Variants in TNNI3K observed in about 807,000 individuals in gnomAD.
TNNI3K encodes TNNI3 interacting kinase.
A neutral mutation model predicts 114.5 loss-of-function variants in TNNI3K; 140 were observed. The ratio of observed to expected loss-of-function variants is 1.22; its 90% CI spans 1.07 to 1.41. TNNI3K has a LOEUF of 1.41. Among genes scored for constraint, TNNI3K ranks in the 40% most tolerant of loss-of-function variants. The probability of loss-of-function intolerance (pLI) is 0.00; values close to 1 mark genes in which losing one functional copy is unlikely to be tolerated. For missense variants in TNNI3K, 1,125 were observed against 1,007.6 expected, an observed-to-expected ratio of 1.12 and a Z score of -1.58; for synonymous variants, 347 against 347.5, an observed-to-expected ratio of 1.00 and a Z score of 0.02.
chr1:74,318,307 G>T (rs904919395), intron 5 of TNNI3K, among the ~76,000 whole-genome samples: 11 of 152,132 alleles, frequency 7.2e-5, no homozygotes, highest in Non-Finnish European at 1.5e-4. Context: ...TTGTGGTATT[G>T]AGAGATTCTG....
intron 20 of TNNI3K, among the ~76,000 whole-genome samples, chr1:74,458,130 G>T (rs933874659): frequency 6.6e-6 from 1 of 152,118 alleles, no homozygotes; most frequent in Non-Finnish European, 1.5e-5. Flanking sequence ...CAATGTGCCT[G>T]GAGCTCCATG....
At chr1:74,532,884 C>A (rs183214976) in intron 23 of TNNI3K, among the ~76,000 whole-genome samples, 276 of 152,238 alleles carry the variant, frequency 1.8e-3, no homozygotes, top group African/African-American at 6.3e-3. Context: ...GAAACTGGAT[C>A]CCTTCCTCAC....
chr1:74,364,202 G>T (rs1226370671), intron 11 of TNNI3K, among the ~76,000 whole-genome samples: 1 of 151,562 alleles, frequency 6.6e-6, no homozygotes, highest in African/African-American at 2.4e-5. Context: ...TAGGGGTCAT[G>T]CTATGTTGCC....
intron 5 of TNNI3K, among the ~76,000 whole-genome samples, chr1:74,320,604 T>G (rs1659554697): frequency 6.6e-6 from 1 of 152,214 alleles, no homozygotes; most frequent in African/African-American, 2.4e-5. Context: ...GATTAACCCT[T>G]GAGCCCAAGA....
rs1661516171 is a variant in TNNI3K at position 74,353,833 on chromosome 1, A to C, written c.1028-147A>C. ...TAAAGTGATGTCTCGTTTGGTCAAT[A>C]ATAAAATTAGTTCTTTATCAAAGAA... On this transcript the variant is annotated intron_variant, in intron 10 of 24. Transcript: ENST00000326637. The C allele has an allele frequency of 3.3e-6, 4 of 1,199,298 alleles. No homozygotes were observed. In the Admixed American group the frequency reaches 1.2e-4, roughly 36 times the overall value. 74.3% of individuals were successfully genotyped at this position (1,199,298 alleles called of 1,614,324 possible). A position where few individuals can be genotyped will look rare whatever the true frequency, so the allele number is the denominator to read the frequency against.
intron 7 of TNNI3K, among the ~76,000 whole-genome samples, chr1:74,337,017 TC>T (rs1660506852): frequency 6.6e-6 from 1 of 151,010 alleles, no homozygotes; most frequent in African/African-American, 2.4e-5. Context: ...ACCTGTTGTT[TC>T]CTGACTTTGT....
At chr1:74,417,938 A>G (rs1024754035) in intron 17 of TNNI3K, among the ~76,000 whole-genome samples, 1 of 152,272 alleles carries the variant, frequency 6.6e-6, no homozygotes, top group Admixed American at 6.5e-5. Context: ...ATGAAGCTCA[A>G]CATGTGTATT....
chr1:74,450,284 A>G (rs923459051), intron 20 of TNNI3K, among the ~76,000 whole-genome samples: 2 of 151,870 alleles, frequency 1.3e-5, no homozygotes, highest in Non-Finnish European at 2.9e-5. Flanking sequence ...ATAGCACTAA[A>G]TGCCCACAAG....
chr1:74,482,999 G>GTGTAGC (rs1668580520), intron 21 of TNNI3K, among the ~76,000 whole-genome samples: 1 of 152,200 alleles, frequency 6.6e-6, no homozygotes, highest in Non-Finnish European at 1.5e-5. Context: ...TTTGTTAAGT[G>GTGTAGC]TGTAGCTGGA....
chr1:74,335,296 A>T (rs1660407194), intron 6 of TNNI3K, among the ~76,000 whole-genome samples: 1 of 152,290 alleles, frequency 6.6e-6, no homozygotes, highest in East Asian at 1.9e-4. Context: ...CGAATCTAGG[A>T]CTATCTTAAA....
At chr1:74,418,122 T>A (rs1288065465) in intron 17 of TNNI3K, 6 of 448,054 alleles carry the variant, frequency 1.3e-5, no homozygotes, top group African/African-American at 8.1e-5. Flanking sequence ...CTGTGGGAAG[T>A]CTTCCTAAAA....
At chr1:74,287,590 C>T (rs1400712056) in intron 5 of TNNI3K, among the ~76,000 whole-genome samples, 2 of 152,074 alleles carry the variant, frequency 1.3e-5, no homozygotes, top group Non-Finnish European at 2.9e-5. Context: ...TCAAAATTGA[C>T]TAAAGACTTA....
intron 23 of TNNI3K, among the ~76,000 whole-genome samples, chr1:74,531,910 C>T (rs1000269877): frequency 2.0e-5 from 3 of 152,164 alleles, no homozygotes; most frequent in African/African-American, 7.2e-5. Flanking sequence ...CTTGTGAGGC[C>T]TTAAATGGTG....
intron 4 of TNNI3K, among the ~76,000 whole-genome samples, chr1:74,264,446 A>C (rs992366823): frequency 6.6e-6 from 1 of 152,018 alleles, no homozygotes; most frequent in Non-Finnish European, 1.5e-5. Context: ...CTAAAGGAAA[A>C]CTTAATAATA....
chr1:74,481,158 A>G (rs971199141), intron 21 of TNNI3K, among the ~76,000 whole-genome samples: 3 of 152,166 alleles, frequency 2.0e-5, no homozygotes, highest in Non-Finnish European at 4.4e-5. Flanking sequence ...TATCAAAATG[A>G]TGGATTTTTA....
At chr1:74,412,837 C>T (rs1664949963) in intron 17 of TNNI3K, among the ~76,000 whole-genome samples, 1 of 152,174 alleles carries the variant, frequency 6.6e-6, no homozygotes, top group Non-Finnish European at 1.5e-5. Context: ...TGGCGTCGAA[C>T]TCCTGACCTC....
At chr1:74,261,455 T>G (rs1419681857) in intron 4 of TNNI3K, among the ~76,000 whole-genome samples, 5 of 152,132 alleles carry the variant, frequency 3.3e-5, no homozygotes, top group African/African-American at 1.2e-4. Context: ...TAAATGTATA[T>G]AAGCAGATTT....
chr1:74,369,677 C>A, intron 16 of TNNI3K, 92 bp downstream of exon 16: 1 of 1,379,210 alleles, frequency 7.3e-7, no homozygotes, highest in Non-Finnish European at 9.5e-7. Flanking sequence ...TGAGCCTTCA[C>A]CTTTTGAAAT....
At chr1:74,309,024 A>G (rs1259730927) in intron 5 of TNNI3K, among the ~76,000 whole-genome samples, 2 of 152,160 alleles carry the variant, frequency 1.3e-5, no homozygotes, top group Non-Finnish European at 2.9e-5. Flanking sequence ...ACTACCAACC[A>G]TAAAAAGCAC....
Sources: gnomAD v4.1 joint callset for allele counts (sites outside exome capture counted in the v4.1 genomes callset) on GRCh38, gnomAD v4.1.1 for gene constraint, MANE v1.5 for transcripts, NCBI Gene and HGNC (gene_info 2026-07-23, HGNC 2026-07-21) for gene names.